The following MAP3K2 variants were observed in gnomAD, a reference collection of about 807,000 sequenced individuals.
MAP3K2 encodes the protein MAP/ERK kinase kinase 2.
A neutral mutation model predicts 80.3 loss-of-function variants in MAP3K2; 24 were observed. The ratio of observed to expected loss-of-function variants is 0.30; its 90% confidence interval spans 0.22 to 0.42. MAP3K2 has a LOEUF of 0.42. MAP3K2 is among the 10% of genes least tolerant of loss of function. The pLI, the probability that MAP3K2 is intolerant of heterozygous loss-of-function variation, is 1.00. For missense variants in MAP3K2, 608 were observed against 750.1 expected (o/e 0.81, Z 2.21); for synonymous variants, 244 against 253.7 (o/e 0.96, Z 0.36).
At chr2:127,386,642 A>C (rs781696412) in intron 1 of MAP3K2, among the ~76,000 whole-genome samples, 5 of 152,060 alleles carry the variant, frequency 3.3e-5, no homozygotes, top group Non-Finnish European at 7.4e-5. Context: ...AGTACATAAA[A>C]AGTAAAGGTA....
chr2:127,365,301 C>T (rs1450250030), intron 1 of MAP3K2, among the ~76,000 whole-genome samples: 1 of 152,120 alleles, frequency 6.6e-6, no homozygotes, highest in East Asian at 1.9e-4. Context: ...AACTTGCTCT[C>T]TCACATTCCT....
chr2:127,357,406 T>C (rs1686814948), intron 1 of MAP3K2, among the ~76,000 whole-genome samples: 1 of 152,214 alleles, frequency 6.6e-6, no homozygotes, highest in African/African-American at 2.4e-5. Flanking sequence ...GGAGGATCCC[T>C]GAGCCCAGGA....
chr2:127,362,824 G>C (rs1015276865), intron 1 of MAP3K2, among the ~76,000 whole-genome samples: 1 of 152,196 alleles, frequency 6.6e-6, no homozygotes, highest in Non-Finnish European at 1.5e-5. Context: ...CCAGAGCAGA[G>C]TGAACATTTA....
At position 127,298,946 on chromosome 2, in the gene MAP3K2, T is replaced by G. The variant is rs1397736205; in HGVS notation, c.*8633A>C. The G allele has an allele frequency of 3.1e-5, 2 of 64,436 alleles. No individual in the cohort carries two copies. Among genetic ancestry groups the G allele is most frequent in the Non-Finnish European group, 7.3e-5 (2 of 27,230 alleles). 4.0% of individuals were successfully genotyped at this position (64,436 alleles called of 1,614,324 possible). A position where few individuals can be genotyped will look rare whatever the true frequency, so the allele number is the denominator to read the frequency against. On this transcript the variant is annotated 3_prime_UTR_variant, in exon 17 of 17. Transcript: ENST00000682094. ...AAACATGGTTTCTTTTATATTAGATTTTTTTTTAAAAAAAAGCTATTTACC... is the reference window on the plus strand; with the variant it reads ...AAACATGGTTTCTTTTATATTAGATGTTTTTTTAAAAAAAAGCTATTTACC...
At position 127,364,883 on chromosome 2, in the gene MAP3K2, T is replaced by C. The variant is rs1016627045; in HGVS notation, c.-65-21689A>G. On this transcript the variant is annotated intron_variant, in intron 1 of 16. Transcript: ENST00000682094. The surrounding 1 kb of genome is among the most constrained non-coding windows in gnomAD (Gnocchi z 4.1). ...TGGCTCACGCCTGTAATCCTAGCACTGTGGAAGGCCAAGGCAGGCAGATCA... is the reference window on the plus strand; with the variant it reads ...TGGCTCACGCCTGTAATCCTAGCACCGTGGAAGGCCAAGGCAGGCAGATCA... Among the ~76,000 whole-genome samples the C allele has an allele frequency of 1.3e-5, 2 of 152,060 alleles. No homozygotes were observed. Among genetic ancestry groups the C allele is most frequent in the African/African-American group, 4.8e-5 (2 of 41,406 alleles).
intron 1 of MAP3K2, among the ~76,000 whole-genome samples, chr2:127,382,727 T>C (rs971636881): frequency 1.3e-5 from 2 of 152,214 alleles, no homozygotes; most frequent in Non-Finnish European, 2.9e-5. Flanking sequence ...GGTTTCACCA[T>C]GTTGGTCAGG....
chr2:127,372,071 A>G (rs1161874926), intron 1 of MAP3K2, among the ~76,000 whole-genome samples: 1 of 152,146 alleles, frequency 6.6e-6, no homozygotes, highest in African/African-American at 2.4e-5. Flanking sequence ...AAAGAAGGAG[A>G]AGACACTAAA....
chr2:127,310,214 T>C lies in MAP3K2; in HGVS notation c.1457-1452A>G, dbSNP rs1558972555. Reference sequence around the variant, plus strand: ...TGCCATACCCCCATCATTGTATCCTTGGCTTTTGTTTTGGAGCACTTTCTT... The same window carrying C: ...TGCCATACCCCCATCATTGTATCCTCGGCTTTTGTTTTGGAGCACTTTCTT... On this transcript the variant is annotated intron_variant, in intron 15 of 16. Transcript: ENST00000682094. This position sits in a 1 kb window ranked among gnomAD's most constrained non-coding sequence, Gnocchi z 4.8. Among the ~76,000 whole-genome samples, 1 of 152,200 alleles carries C rather than the reference T, an allele frequency of 6.6e-6. No homozygotes were observed. The highest frequency in any genetic ancestry group is 1.5e-5 in the Non-Finnish European group (1 of 68,034).
At chr2:127,311,114 T>G (rs1029516457) in intron 15 of MAP3K2, among the ~76,000 whole-genome samples, 1 of 152,096 alleles carries the variant, frequency 6.6e-6, no homozygotes, top group South Asian at 2.1e-4. Flanking sequence ...TACCAGCAAA[T>G]TCCCCAGTCT....
chr2:127,354,815 G>A (rs1382152882), intron 1 of MAP3K2, among the ~76,000 whole-genome samples: 1 of 151,976 alleles, frequency 6.6e-6, no homozygotes, highest in African/African-American at 2.4e-5. Context: ...AATTAGTACA[G>A]TTGTCACAGC....
chr2:127,356,335 TTC>T (rs1230166926), intron 1 of MAP3K2, among the ~76,000 whole-genome samples: 6 of 152,142 alleles, frequency 3.9e-5, no homozygotes, highest in South Asian at 2.1e-4. Flanking sequence ...CAAAATGCAT[TTC>T]TTTTTCTTTT....
At chr2:127,329,787 TTTAAA>T (rs1686215591) in intron 7 of MAP3K2, 129 bp downstream of exon 7, 1 of 597,674 alleles carries the variant, frequency 1.7e-6, no homozygotes, top group Non-Finnish European at 2.9e-6. Context: ...TTAGAGTGTA[TTTAAA>T]TTAAATTATA....
Position 127,345,655 on chromosome 2 carries a change from T to C in MAP3K2, c.-65-2461A>G, listed in dbSNP as rs114850975. ...AAACAAATCTCAGTAACTACATGGA[T>C]TGAAATCACACAAAGTGTGTTCTCT... is the stretch of plus-strand genomic sequence containing the variant. On this transcript the variant is annotated intron_variant, in intron 1 of 16. Coordinates refer to ENST00000682094, the MANE Select transcript of MAP3K2 (RefSeq NM_001371910.2). Among the ~76,000 whole-genome samples, 1,282 of 152,306 alleles carry C rather than the reference T, an allele frequency of 8.4e-3. 19 individuals carry two copies. Among genetic ancestry groups the C allele is most frequent in the African/African-American group, 0.029 (1,222 of 41,560 alleles).
chr2:127,372,348 C>T (rs969244414), intron 1 of MAP3K2, among the ~76,000 whole-genome samples: 5 of 152,094 alleles, frequency 3.3e-5, no homozygotes, highest in Non-Finnish European at 7.3e-5. Flanking sequence ...ACAGGAGCCA[C>T]AAAAGTACAC....
Position 127,339,152 on chromosome 2 carries a change from G to T in MAP3K2, c.5-102C>A. On this transcript the variant is annotated intron_variant, in intron 2 of 16. Coordinates refer to ENST00000682094, the MANE Select transcript of MAP3K2 (RefSeq NM_001371910.2). The surrounding 1 kb of genome is among the most constrained non-coding windows in gnomAD (Gnocchi z 4.2). ...AAAATTTAAAATAAAATTTGATGTA[G>T]AGAATGTATTAATGCAAAAATGCAT... 2.8e-6 allele frequency: 2 copies of T among 706,490 alleles called. No homozygotes were observed. The highest frequency in any genetic ancestry group is 5.6e-5 in the East Asian group (2 of 35,758). 43.8% of individuals were successfully genotyped at this position (706,490 alleles called of 1,614,324 possible).
intron 1 of MAP3K2, among the ~76,000 whole-genome samples, chr2:127,371,483 A>G (rs1229458866): frequency 6.6e-6 from 1 of 152,212 alleles, no homozygotes; most frequent in Non-Finnish European, 1.5e-5. Flanking sequence ...GAATTTATCA[A>G]TCGTTTAACC....
intron 1 of MAP3K2, among the ~76,000 whole-genome samples, chr2:127,356,993 T>A (rs1384634234): frequency 6.6e-6 from 1 of 152,134 alleles, no homozygotes; most frequent in East Asian, 1.9e-4. Context: ...GGGACTAATA[T>A]CCAGAATCTA....
In MAP3K2 at chr2:127,307,353, A is replaced by T. The variant is rs939146032; in HGVS notation, c.*226T>A. The stretch of plus-strand genomic sequence containing the variant: ...ACCACATCAGTACATTATAAAAATT[A>T]AAAAAAAAAACTTCAAGTTCTTGTA... On this transcript the variant is annotated 3_prime_UTR_variant, in exon 17 of 17. Coordinates refer to ENST00000682094, the MANE Select transcript of MAP3K2 (RefSeq NM_001371910.2). This position sits in a 1 kb window ranked among gnomAD's most constrained non-coding sequence, Gnocchi z 5.4. The T allele has an allele frequency of 5.3e-5, 13 of 246,800 alleles. No individual in the cohort carries two copies. Among genetic ancestry groups the T allele is most frequent in the African/African-American group, 1.4e-4 (6 of 42,584 alleles). The allele number at this position is 246,800 out of a possible 1,614,324, so 15.3% of individuals were successfully genotyped here.
At chr2:127,317,568 T>A in intron 14 of MAP3K2, 61 bp downstream of exon 14, 1 of 1,388,414 alleles carries the variant, frequency 7.2e-7, no homozygotes, top group Non-Finnish European at 9.6e-7. Context: ...TTTGTTGTTT[T>A]TCTTTTATTA....
Sources: gnomAD v4.1 joint callset for allele counts (sites outside exome capture counted in the v4.1 genomes callset) on GRCh38, gnomAD v4.1.1 for gene constraint, Gnocchi (gnomAD v3.1) non-coding constraint, MANE v1.5 for transcripts, NCBI Gene and HGNC (gene_info 2026-07-23, HGNC 2026-07-21) for gene names.